ADAM12: variants seen among roughly 807,000 people sequenced by gnomAD.
The protein encoded by ADAM12 is disintegrin and metalloproteinase domain-containing protein 12.
A neutral mutation model predicts 106.4 loss-of-function variants in ADAM12; 70 were observed. The ratio of observed to expected loss-of-function variants is 0.66; its 90% CI spans 0.54 to 0.80. The LOEUF is 0.80. Ranked by LOEUF, ADAM12 falls within the 30% of genes least tolerant of loss-of-function variation. The probability of loss-of-function intolerance (pLI) is 0.00; values close to 1 mark genes in which losing one functional copy is unlikely to be tolerated. For synonymous variants in ADAM12, 420 were observed against 433.5 expected (o/e 0.97, Z 0.39); for missense variants, 1,010 against 1,171.9 (o/e 0.86, Z 2.02).
intron 11 of ADAM12, among the ~76,000 whole-genome samples, chr10:126,076,255 A>G (rs1257925974): frequency 6.6e-6 from 1 of 152,216 alleles, no homozygotes; most frequent in Non-Finnish European, 1.5e-5. Flanking sequence ...CAAAGGACAT[A>G]ATTTCGTTCT....
chr10:126,299,080 A>G (rs1054736967), intron 2 of ADAM12, among the ~76,000 whole-genome samples: 1 of 152,206 alleles, frequency 6.6e-6, no homozygotes, highest in Non-Finnish European at 1.5e-5. Flanking sequence ...ATGAAGCGGT[A>G]AGGTTAACAT....
chr10:126,300,601 ACT>A lies in ADAM12; in HGVS notation c.187-21615_187-21614del, dbSNP rs138295443. Among the ~76,000 whole-genome samples, 364 of 152,326 alleles carry A rather than the reference ACT, an allele frequency of 2.4e-3. 2 individuals are homozygous for A. The highest frequency in any genetic ancestry group is 8.6e-3 in the African/African-American group (357 of 41,566). On this transcript the variant is annotated intron_variant, in intron 2 of 22. Coordinates refer to ENST00000448723, the MANE Select transcript of ADAM12 (RefSeq NM_001288973.2). ...AAAGACGGTTTTGTTAAATGAAAGT[ACT>A]GTTTCATTATCTCTGCTATTAACAT...
At chr10:126,077,160 C>A (rs1235716795) in intron 11 of ADAM12, among the ~76,000 whole-genome samples, 1 of 152,036 alleles carries the variant, frequency 6.6e-6, no homozygotes, top group Non-Finnish European at 1.5e-5. Context: ...GCAATAGTCA[C>A]ACAGAAAAAG....
chr10:126,284,457 G>A (rs1294288987), intron 2 of ADAM12, among the ~76,000 whole-genome samples: 3 of 151,820 alleles, frequency 2.0e-5, no homozygotes, highest in Admixed American at 6.6e-5. Context: ...ATGCCACCCT[G>A]TGTTAATTAC....
chr10:126,070,362 C>G (rs1314621448), intron 12 of ADAM12: 2 of 152,224 alleles, frequency 1.3e-5, no homozygotes, highest in Non-Finnish European at 2.9e-5. Context: ...CATCACATCC[C>G]CCCTTACTCC....
intron 6 of ADAM12, 140 bp downstream of exon 6, chr10:126,117,898 C>A: frequency 1.1e-6 from 1 of 883,288 alleles, no homozygotes; most frequent in South Asian, 1.6e-5. Context: ...ATGTCTACCA[C>A]CTCCAGATAA....
At chr10:126,329,850 C>T (rs1399717783) in intron 2 of ADAM12, among the ~76,000 whole-genome samples, 4 of 152,134 alleles carry the variant, frequency 2.6e-5, no homozygotes, top group African/African-American at 9.7e-5. Context: ...TCCAACTGTT[C>T]CTACAAGCAC....
intron 3 of ADAM12, among the ~76,000 whole-genome samples, chr10:126,258,406 C>T (rs1053048054): frequency 8.3e-6 from 1 of 120,738 alleles, no homozygotes; most frequent in African/African-American, 2.8e-5. Context: ...ACGCCCCACC[C>T]GTGCCCCACA....
intron 4 of ADAM12, among the ~76,000 whole-genome samples, chr10:126,148,844 G>A (rs1290385592): frequency 1.6e-5 from 2 of 123,284 alleles, no homozygotes; most frequent in Admixed American, 9.1e-5. Flanking sequence ...CCCATGCCCC[G>A]ACCTCTTTCC....
chr10:126,064,647 C>G lies in ADAM12; in HGVS notation c.1609+159G>C. 1 of 784,128 alleles carries G rather than the reference C, an allele frequency of 1.3e-6. No homozygotes were observed. Among genetic ancestry groups the G allele is most frequent in the South Asian group, 1.8e-5 (1 of 54,524 alleles). The allele number at this position is 784,128 out of a possible 1,614,324, so 48.6% of individuals were successfully genotyped here. A position where few individuals can be genotyped will look rare whatever the true frequency, so the allele number is the denominator to read the frequency against. On this transcript the variant is annotated intron_variant, in intron 14 of 22. Transcript: ENST00000448723. The surrounding 1 kb of genome is among the most constrained non-coding windows in gnomAD (Gnocchi z 4.4). ...CCCATGCCCAGTGCGGCCTCAGACC[C>G]TCCCTGGGAGTCAATCACTCCCGAC... is the stretch of plus-strand genomic sequence containing the variant.
intron 4 of ADAM12, among the ~76,000 whole-genome samples, chr10:126,145,885 G>A (rs777778932): frequency 6.6e-5 from 10 of 152,242 alleles, no homozygotes; most frequent in Non-Finnish European, 5.9e-5. Context: ...AGGTAGGGCC[G>A]TCACCACTGT....
chr10:126,223,027 G>C (rs1590641131), intron 3 of ADAM12, among the ~76,000 whole-genome samples: 2 of 152,198 alleles, frequency 1.3e-5, no homozygotes, highest in East Asian at 3.9e-4. Context: ...TGGAGATTTA[G>C]AAAGCACAGC....
intron 3 of ADAM12, among the ~76,000 whole-genome samples, chr10:126,256,923 G>A (rs11244910): frequency 1.2e-3 from 40 of 34,532 alleles, no homozygotes; most frequent in Non-Finnish European, 1.4e-3. Flanking sequence ...TAATAATAAT[G>A]ATGATGATGA....
At chr10:126,108,519 C>A in intron 8 of ADAM12, 74 bp downstream of exon 8, 1 of 1,324,608 alleles carries the variant, frequency 7.5e-7, no homozygotes, top group Non-Finnish European at 1.1e-6. Context: ...CTTGCTAAGT[C>A]AGATGAGGTC....
chr10:126,122,878 T>C (rs1168053183), intron 5 of ADAM12, among the ~76,000 whole-genome samples: 1 of 152,260 alleles, frequency 6.6e-6, no homozygotes, highest in Non-Finnish European at 1.5e-5. Context: ...CTATTTTACA[T>C]CGGATCTAAA....
At chr10:126,051,210 C>T (rs1954472963) in intron 14 of ADAM12, among the ~76,000 whole-genome samples, 1 of 152,194 alleles carries the variant, frequency 6.6e-6, no homozygotes, top group Admixed American at 6.5e-5. Context: ...GATCAAAGTA[C>T]TGGGATCTGA....
chr10:126,282,771 C>T (rs1959648257), intron 2 of ADAM12, among the ~76,000 whole-genome samples: 1 of 152,054 alleles, frequency 6.6e-6, no homozygotes, highest in Admixed American at 6.6e-5. Flanking sequence ...TGCTGTTATG[C>T]ATGTTCCTGT....
chr10:126,198,713 C>G (rs1002729804), intron 3 of ADAM12, among the ~76,000 whole-genome samples: 2 of 152,314 alleles, frequency 1.3e-5, no homozygotes, highest in Admixed American at 1.3e-4. Context: ...TACAAACAGA[C>G]TCAGTTTTCA....
At chr10:126,114,295 A>G (rs114897640) in intron 6 of ADAM12, among the ~76,000 whole-genome samples, 165 of 152,320 alleles carry the variant, frequency 1.1e-3, no homozygotes, top group African/African-American at 3.9e-3. Flanking sequence ...TGAAGTATTG[A>G]AATTAAGCCT....
Sources: gnomAD v4.1 joint callset for allele counts (sites outside exome capture counted in the v4.1 genomes callset) on GRCh38, gnomAD v4.1.1 for gene constraint, Gnocchi (gnomAD v3.1) non-coding constraint, MANE v1.5 for transcripts, NCBI Gene and HGNC (gene_info 2026-07-23, HGNC 2026-07-21) for gene names.